Variants in CORO2B observed in about 807,000 individuals in gnomAD.
CORO2B encodes coronin 2B, also known as coronin-2B.
In CORO2B, 26 loss-of-function variants were observed where a neutral mutation model predicts 58.8. That is an observed-to-expected ratio of 0.44 (90% CI 0.32 to 0.61). CORO2B has a LOEUF of 0.61. Ranked by LOEUF, CORO2B falls within the 20% of genes least tolerant of loss-of-function variation. The pLI is 0.04. For missense variants in CORO2B, 460 were observed against 645.1 expected, an observed-to-expected ratio of 0.71 and a Z score of 3.11; for synonymous variants, 242 against 253.8, an observed-to-expected ratio of 0.95 and a Z score of 0.44.
the CORO2B span, among the ~76,000 whole-genome samples, chr15:68,562,491 A>G: frequency 6.6e-6 from 1 of 152,204 alleles, no homozygotes; most frequent in Non-Finnish European, 1.5e-5. Context: ...GGGTTCTCAG[A>G]TAAAATATGG....
chr15:68,657,517 CAAAAAAA>C (rs373642309), intron 2 of CORO2B, among the ~76,000 whole-genome samples: 3 of 87,076 alleles, frequency 3.4e-5, no homozygotes, highest in Non-Finnish European at 6.4e-5. Context: ...GATCCTGTCT[CAAAAAAA>C]AAAAAAAAAA....
chr15:68,660,146 C>T (rs536735420), intron 2 of CORO2B, among the ~76,000 whole-genome samples: 1 of 152,266 alleles, frequency 6.6e-6, no homozygotes, highest in Admixed American at 6.5e-5. Flanking sequence ...CTCCTTTGAC[C>T]ATGTGCCTGT....
At chr15:68,722,657 T>A in intron 11 of CORO2B, among the ~76,000 whole-genome samples, 1 of 152,044 alleles carries the variant, frequency 6.6e-6, no homozygotes, top group East Asian at 1.9e-4. Context: ...GTGTGTAGAG[T>A]CATTTAGTGC....
chr15:68,644,667 G>T (rs1200668343), intron 1 of CORO2B, among the ~76,000 whole-genome samples: 1 of 152,130 alleles, frequency 6.6e-6, no homozygotes, highest in East Asian at 1.9e-4. Flanking sequence ...GACAGTGGAT[G>T]GGGGGTTGCC....
chr15:68,545,377 T>C, the CORO2B span, among the ~76,000 whole-genome samples: 1 of 152,234 alleles, frequency 6.6e-6, no homozygotes, highest in East Asian at 1.9e-4. Flanking sequence ...GCCTTCATAC[T>C]CTACCCCTCC....
chr15:68,632,032 G>A, intron 1 of CORO2B: 2 of 985,354 alleles, frequency 2.0e-6, no homozygotes, highest in Non-Finnish European at 2.4e-6. Context: ...AGGGCTAGAG[G>A]GTGACTAGCA....
Position 68,725,915 on chromosome 15 carries a change from C to A in CORO2B, c.1384C>A (p.Arg462Ser). Reference sequence around the variant, plus strand: ...AGAGGAGCTGGCCCAGAAGGACATCCGCATTCGGCAGCTCCAGCTGGAACT... The same window carrying A: ...AGAGGAGCTGGCCCAGAAGGACATCAGCATTCGGCAGCTCCAGCTGGAACT... ...LKEELAQKDI[R>S]IRQLQLELKN... The change falls in exon 12 of 12, where the codon CGC (arginine) becomes AGC (serine). Residue 462 changes from arginine to serine, a missense_variant. Transcript: ENST00000261861. 6.2e-7 allele frequency: 1 copy of A among 1,614,060 alleles called. No homozygotes were observed. The highest frequency in any genetic ancestry group is 1.1e-5 in the South Asian group (1 of 91,080).
chr15:68,584,977 G>A (rs1994715), intron 1 of CORO2B, among the ~76,000 whole-genome samples: 100,040 of 148,140 alleles, frequency 0.68, 34,477 homozygotes, highest in East Asian at 0.85. Flanking sequence ...GGGGTGGGGA[G>A]TGGGGGAGAA....
At chr15:68,619,851 T>G (rs1257639151) in intron 1 of CORO2B, among the ~76,000 whole-genome samples, 1 of 152,162 alleles carries the variant, frequency 6.6e-6, no homozygotes, top group Non-Finnish European at 1.5e-5. Context: ...CTCTCCTTTT[T>G]GGGTGGACAA....
the CORO2B span, among the ~76,000 whole-genome samples, chr15:68,566,613 C>A: frequency 3.9e-5 from 6 of 152,140 alleles, no homozygotes; most frequent in African/African-American, 1.4e-4. Flanking sequence ...TGTCCCCACA[C>A]CCCTCACTCT....
intron 2 of CORO2B, among the ~76,000 whole-genome samples, chr15:68,667,246 T>TGCCC (rs1902221381): frequency 6.6e-6 from 1 of 152,176 alleles, no homozygotes; most frequent in African/African-American, 2.4e-5. Context: ...TCTACCTGCC[T>TGCCC]GCCCTTCTTC....
At chr15:68,647,990 T>G (rs1226050834) in intron 2 of CORO2B, among the ~76,000 whole-genome samples, 6 of 134,084 alleles carry the variant, frequency 4.5e-5, no homozygotes, top group African/African-American at 1.7e-4. Context: ...ATCACTCCCC[T>G]GCACTCCACC....
At chr15:68,692,349 C>A (rs1001094870) in intron 2 of CORO2B, among the ~76,000 whole-genome samples, 5 of 152,064 alleles carry the variant, frequency 3.3e-5, no homozygotes, top group African/African-American at 1.2e-4. Flanking sequence ...CTTTGGAAGG[C>A]CAAAGCAGGC....
chr15:68,687,338 A>G (rs1903017788), intron 2 of CORO2B, among the ~76,000 whole-genome samples: 1 of 152,230 alleles, frequency 6.6e-6, no homozygotes, highest in Non-Finnish European at 1.5e-5. Context: ...TTCCATGTAC[A>G]AAATTCAGCT....
chr15:68,571,125 T>C, the CORO2B span, among the ~76,000 whole-genome samples: 5 of 152,194 alleles, frequency 3.3e-5, no homozygotes, highest in Non-Finnish European at 5.9e-5. Flanking sequence ...AATATCTCTT[T>C]AAAGAGCTGC....
chr15:68,601,678 G>A (rs764265534), intron 1 of CORO2B, among the ~76,000 whole-genome samples: 1 of 152,220 alleles, frequency 6.6e-6, no homozygotes, highest in Non-Finnish European at 1.5e-5. Context: ...GAGGTCAAGG[G>A]AATGGCTGTG....
intron 2 of CORO2B, among the ~76,000 whole-genome samples, chr15:68,652,856 G>T (rs1193004348): frequency 6.6e-6 from 1 of 152,228 alleles, no homozygotes; most frequent in Non-Finnish European, 1.5e-5. Flanking sequence ...TCCCAGTCAT[G>T]TGCCTGCCCA....
At chr15:68,658,877 T>C (rs1421505122) in intron 2 of CORO2B, among the ~76,000 whole-genome samples, 1 of 152,238 alleles carries the variant, frequency 6.6e-6, no homozygotes, top group African/African-American at 2.4e-5. Flanking sequence ...GCAGTGTTTG[T>C]GAAGTGCTGT....
intron 2 of CORO2B, among the ~76,000 whole-genome samples, chr15:68,693,688 C>T (rs1406902949): frequency 4.6e-5 from 7 of 152,198 alleles, no homozygotes; most frequent in East Asian, 1.9e-4. Context: ...CACCCCCTCC[C>T]AGGAAGTCAT....
Sources: gnomAD v4.1 joint callset for allele counts (sites outside exome capture counted in the v4.1 genomes callset) on GRCh38, gnomAD v4.1.1 for gene constraint, MANE v1.5 for transcripts, NCBI Gene and HGNC (gene_info 2026-07-23, HGNC 2026-07-21) for gene names.